GTF2F2: variants seen among roughly 807,000 people sequenced by gnomAD.
GTF2F2 encodes ATP-dependent helicase GTF2F2.
Under a neutral mutation model 42.2 loss-of-function variants are expected in GTF2F2, and 23 were observed. That is an observed-to-expected ratio of 0.55 (90% CI 0.39 to 0.77). The LOEUF (loss-of-function observed/expected upper bound fraction) is 0.77, where lower values mean the gene tolerates loss of function less well. Ranked by LOEUF, GTF2F2 falls within the 30% of genes least tolerant of loss-of-function variation. The pLI is 0.00. For synonymous variants in GTF2F2, 105 were observed against 100.8 expected, an observed-to-expected ratio of 1.04 and a Z score of -0.25; for missense variants, 261 against 287.2, an observed-to-expected ratio of 0.91 and a Z score of 0.66.
At chr13:45,274,647 G>T (rs1688570369) in intron 7 of GTF2F2, among the ~76,000 whole-genome samples, 1 of 152,206 alleles carries the variant, frequency 6.6e-6, no homozygotes. Flanking sequence ...CTTTCTTAAA[G>T]TGTGTAGTTC....
intron 7 of GTF2F2, among the ~76,000 whole-genome samples, chr13:45,278,611 T>C (rs535731134): frequency 6.6e-6 from 1 of 152,222 alleles, no homozygotes; most frequent in South Asian, 2.1e-4. Flanking sequence ...TCACTCAGTG[T>C]TTAAGTAAGA....
At chr13:45,256,280 T>G (rs1046334912) in intron 6 of GTF2F2, among the ~76,000 whole-genome samples, 1 of 152,154 alleles carries the variant, frequency 6.6e-6, no homozygotes, top group Non-Finnish European at 1.5e-5. Flanking sequence ...TAATAGTACC[T>G]TACTGATTGT....
At chr13:45,271,289 A>G (rs1876781813) in intron 7 of GTF2F2, among the ~76,000 whole-genome samples, 1 of 151,988 alleles carries the variant, frequency 6.6e-6, no homozygotes, top group African/African-American at 2.4e-5. Context: ...AAGAAAAAAA[A>G]AAAGAAAACT....
In GTF2F2 at chr13:45,224,137, C is replaced by T. The variant is rs144774641; in HGVS notation, c.386+16632C>T. Among the ~76,000 whole-genome samples, 109 of 152,270 alleles carry T rather than the reference C, an allele frequency of 7.2e-4. No homozygotes were observed. The East Asian group carries it at 0.019, about 26-fold the overall frequency. On this transcript the variant is annotated intron_variant, in intron 5 of 7. Coordinates refer to ENST00000340473, the MANE Select transcript of GTF2F2 (RefSeq NM_004128.3). ...TATGGCAAATGCCTTCATACACCAT[C>T]AAGAAGAGTAGGATTATTTGCCCCT... is the stretch of plus-strand genomic sequence containing the variant.
At chr13:45,204,245 TTCATA>T (rs1873329806) in intron 4 of GTF2F2, among the ~76,000 whole-genome samples, 1 of 152,198 alleles carries the variant, frequency 6.6e-6, no homozygotes, top group South Asian at 2.1e-4. Context: ...AATCAAGCTA[TTCATA>T]TCTATACTTT....
In GTF2F2 at chr13:45,149,783, A is replaced by G; in HGVS notation, c.154A>G (p.Thr52Ala). ...CCTCTCCTTTAGGACTCAAGGAAGG[A>G]CTGAGGTAAGATTATTTATATGGAA... is the stretch of plus-strand genomic sequence containing the variant. ...KLRIAKTQGRTEVSFTLNEDL... is the reference protein window; with the variant it reads ...KLRIAKTQGRAEVSFTLNEDL... The change falls in exon 3 of 8, where the codon ACT becomes GCT. Residue 52 changes from threonine to alanine, a missense_variant. Thr to Ala is a moderately conservative substitution (Grantham distance 58, BLOSUM62 0). Transcript: ENST00000340473. 6.6e-7 allele frequency: 1 copy of G among 1,507,024 alleles called. No homozygotes were observed. Among genetic ancestry groups the G allele is most frequent in the Non-Finnish European group, 8.9e-7 (1 of 1,120,200 alleles). 93.4% of individuals were successfully genotyped at this position (1,507,024 alleles called of 1,614,324 possible).
chr13:45,124,428 G>T (rs2138084569), intron 1 of GTF2F2, among the ~76,000 whole-genome samples: 1 of 151,448 alleles, frequency 6.6e-6, no homozygotes, highest in South Asian at 2.1e-4. Context: ...CAGGCATGGT[G>T]GCTCATGCCT....
At chr13:45,233,834 G>A (rs1874812041) in intron 5 of GTF2F2, among the ~76,000 whole-genome samples, 3 of 152,028 alleles carry the variant, frequency 2.0e-5, no homozygotes, top group African/African-American at 7.3e-5. Context: ...GATCACTTGA[G>A]CCCAGGAGGC....
chr13:45,252,931 A>G lies in GTF2F2; in HGVS notation c.447A>G (p.Val149=), dbSNP rs763128235. ...VRLSQQLDKV[V]TTNYKPVANH... Reference sequence around the variant, plus strand: ...TATCACAACAGCTGGACAAAGTTGTAACAACCAATTACAAACCTGTTGCTA... The same window carrying G: ...TATCACAACAGCTGGACAAAGTTGTGACAACCAATTACAAACCTGTTGCTA... Residue 149 remains valine (V), a synonymous_variant, in exon 6 of 8, where the codon GTA becomes GTG. Coordinates refer to ENST00000340473, the MANE Select transcript of GTF2F2 (RefSeq NM_004128.3). The G allele has an allele frequency of 2.0e-6, 3 of 1,499,052 alleles. 1 individual carries two copies. The highest frequency in any genetic ancestry group is 2.7e-5 in the South Asian group (2 of 73,130). 92.9% of individuals were successfully genotyped at this position (1,499,052 alleles called of 1,614,324 possible). A position where few individuals can be genotyped will look rare whatever the true frequency, so the allele number is the denominator to read the frequency against.
At chr13:45,165,806 C>CTTTTTTTTTTTTTT (rs5803286) in intron 4 of GTF2F2, among the ~76,000 whole-genome samples, 1 of 88,888 alleles carries the variant, frequency 1.1e-5, no homozygotes, top group African/African-American at 5.0e-5. Context: ...TCAGTACATT[C>CTTTTTTTTTTTTTT]TTTTTTTTTT....
intron 2 of GTF2F2, among the ~76,000 whole-genome samples, chr13:45,140,201 C>T (rs919336465): frequency 6.6e-6 from 1 of 151,790 alleles, no homozygotes; most frequent in Non-Finnish European, 1.5e-5. Flanking sequence ...GATCCTCCCT[C>T]CTCAGCCCCT....
intron 7 of GTF2F2, among the ~76,000 whole-genome samples, chr13:45,281,221 G>A (rs1045287005): frequency 6.6e-6 from 1 of 152,114 alleles, no homozygotes; most frequent in African/African-American, 2.4e-5. Flanking sequence ...GGAACCCAGG[G>A]CTCATTTGGT....
At chr13:45,275,394 C>T (rs929791937) in intron 7 of GTF2F2, among the ~76,000 whole-genome samples, 11 of 151,856 alleles carry the variant, frequency 7.2e-5, no homozygotes, top group Non-Finnish European at 1.6e-4. Context: ...TGTTGTTGTG[C>T]TGCACCCATT....
intron 4 of GTF2F2, among the ~76,000 whole-genome samples, chr13:45,160,227 T>G (rs1285796050): frequency 2.0e-5 from 3 of 152,240 alleles, no homozygotes; most frequent in African/African-American, 7.2e-5. Context: ...AAGCTGGATT[T>G]TCATCTCTAC....
intron 5 of GTF2F2, among the ~76,000 whole-genome samples, chr13:45,236,987 G>T (rs1027072301): frequency 1.4e-4 from 21 of 152,160 alleles, no homozygotes; most frequent in African/African-American, 5.1e-4. Flanking sequence ...ATGTTCCAAT[G>T]AAATGATTTT....
intron 5 of GTF2F2, among the ~76,000 whole-genome samples, chr13:45,237,027 A>G (rs903317349): frequency 4.6e-5 from 7 of 152,312 alleles, no homozygotes; most frequent in Admixed American, 2.0e-4. Flanking sequence ...CAGACATTCT[A>G]TTCACTACTG....
chr13:45,176,589 T>G (rs1375950950), intron 4 of GTF2F2, among the ~76,000 whole-genome samples: 1 of 152,186 alleles, frequency 6.6e-6, no homozygotes, highest in Non-Finnish European at 1.5e-5. Flanking sequence ...TTTACTCTCT[T>G]AAAGGTATTT....
chr13:45,131,795 C>T (rs1269732363), intron 1 of GTF2F2, among the ~76,000 whole-genome samples: 1 of 148,534 alleles, frequency 6.7e-6, no homozygotes, highest in African/African-American at 2.5e-5. Context: ...AGTTCAGCTA[C>T]TTGGGAGGCT....
chr13:45,283,022 T>C (rs1185567782), intron 7 of GTF2F2, among the ~76,000 whole-genome samples: 1 of 152,162 alleles, frequency 6.6e-6, no homozygotes, highest in Non-Finnish European at 1.5e-5. Flanking sequence ...TTTTTTTATA[T>C]GCTACTGCTC....
Sources: allele counts gnomAD v4.1 joint callset (sites outside exome capture counted in the v4.1 genomes callset), GRCh38; gene constraint gnomAD v4.1.1; transcripts MANE v1.5; gene names NCBI Gene and HGNC (gene_info 2026-07-23, HGNC 2026-07-21).